The following ZFHX3 variants were observed in gnomAD, a reference collection of about 807,000 sequenced individuals.
ZFHX3 encodes zinc finger homeobox protein 3.
ZFHX3 carries 42 observed loss-of-function variants against 279.1 expected under a neutral mutation model. The observed-to-expected ratio is 0.15, with a 90% CI of 0.12 to 0.19. The LOEUF (loss-of-function observed/expected upper bound fraction) is 0.19. Among genes scored for constraint, ZFHX3 ranks in the 10% least tolerant of loss-of-function variants. The pLI, the probability that ZFHX3 is intolerant of heterozygous loss-of-function variation, is 1.00. For synonymous variants in ZFHX3, 2,293 were observed against 1,957.8 expected, an observed-to-expected ratio of 1.17 and a Z score of -4.52; for missense variants, 4,981 against 4,754.0, an observed-to-expected ratio of 1.05 and a Z score of -1.40.
chr16:73,205,200 G>A (rs1210395277), intron 5 of ZFHX3, among the ~76,000 whole-genome samples: 2 of 152,100 alleles, frequency 1.3e-5, no homozygotes, highest in East Asian at 1.9e-4. Context: ...GAGGCCTCTC[G>A]AGAAAGGGTA....
rs184850856 is a variant in ZFHX3 at position 72,896,637 on chromosome 16, T to C, written c.3217-6675A>G. On this transcript the variant is annotated intron_variant, in intron 3 of 9. Coordinates refer to ENST00000268489, the MANE Select transcript of ZFHX3 (RefSeq NM_006885.4). The stretch of plus-strand genomic sequence containing the variant: ...AGGGCTCTTGTTAGAAAATAATGCA[T>C]CGTGAAAATCAAAAAAACGTGTTCC... 2.6e-4 allele frequency among the ~76,000 whole-genome samples: 40 copies of C among 152,164 alleles called. No homozygotes were observed. The East Asian group carries it at 5.2e-3, about 20-fold the overall frequency.
Position 72,829,767 on chromosome 16 carries a change from G to A in ZFHX3, c.3529+12C>T, listed in dbSNP as rs2037020546. 1 of 1,614,106 alleles carries A rather than the reference G, an allele frequency of 6.2e-7. No individual in the cohort carries two copies. The highest frequency in any genetic ancestry group is 1.3e-5 in the African/African-American group (1 of 75,062). On this transcript the variant is annotated intron_variant, in intron 5 of 9. Coordinates refer to ENST00000268489, the MANE Select transcript of ZFHX3 (RefSeq NM_006885.4). Reference sequence around the variant, plus strand: ...CACACACTACCTGTCCACTTGCCCTGGTCTTTCTCACCTCCGCCCTCTTGG... The same window carrying A: ...CACACACTACCTGTCCACTTGCCCTAGTCTTTCTCACCTCCGCCCTCTTGG...
chr16:73,036,444 A>G (rs1964910024), intron 1 of ZFHX3, among the ~76,000 whole-genome samples: 1 of 152,120 alleles, frequency 6.6e-6, no homozygotes, highest in African/African-American at 2.4e-5. Flanking sequence ...TTAGGAAGAA[A>G]GGGATGGGTG....
intron 1 of ZFHX3, among the ~76,000 whole-genome samples, chr16:73,883,641 C>T (rs1187493629): frequency 6.6e-6 from 1 of 151,844 alleles, no homozygotes; most frequent in Non-Finnish European, 1.5e-5. Flanking sequence ...TGAAAACAAA[C>T]AGACATGTTT....
chr16:73,657,550 A>G (rs2052735403), intron 2 of ZFHX3, among the ~76,000 whole-genome samples: 1 of 152,208 alleles, frequency 6.6e-6, no homozygotes, highest in Non-Finnish European at 1.5e-5. Flanking sequence ...AGAACATTTT[A>G]TCATCTCCAT....
intron 3 of ZFHX3, among the ~76,000 whole-genome samples, chr16:73,331,115 G>A (rs1258618501): frequency 1.3e-5 from 2 of 152,148 alleles, no homozygotes; most frequent in African/African-American, 4.8e-5. Context: ...CAATCATGGT[G>A]GAAGGGGAAG....
At chr16:73,694,919 A>G (rs2053182605) in intron 1 of ZFHX3, among the ~76,000 whole-genome samples, 1 of 152,238 alleles carries the variant, frequency 6.6e-6, no homozygotes, top group Non-Finnish European at 1.5e-5. Flanking sequence ...CCAATGGAAA[A>G]AACAGCCATG....
At chr16:73,024,767 C>T (rs888547195) in intron 1 of ZFHX3, among the ~76,000 whole-genome samples, 1 of 152,158 alleles carries the variant, frequency 6.6e-6, no homozygotes, top group Non-Finnish European at 1.5e-5. Flanking sequence ...TGTAAAAACA[C>T]AGTCAATCAA....
intron 1 of ZFHX3, among the ~76,000 whole-genome samples, chr16:73,790,247 G>A (rs531887331): frequency 6.6e-6 from 1 of 151,264 alleles, no homozygotes; most frequent in East Asian, 1.9e-4. Context: ...ACATCAAAAG[G>A]GGATAAAAAG....
chr16:73,765,995 T>C (rs111378318), intron 1 of ZFHX3, among the ~76,000 whole-genome samples: 13 of 152,272 alleles, frequency 8.5e-5, no homozygotes, highest in African/African-American at 2.4e-4. Flanking sequence ...GTTTTGGGAA[T>C]TGGGGAGAAA....
At chr16:73,442,239 G>A (rs1044791731) in intron 3 of ZFHX3, among the ~76,000 whole-genome samples, 4 of 152,198 alleles carry the variant, frequency 2.6e-5, no homozygotes, top group South Asian at 2.1e-4. Flanking sequence ...CTAGAAGTCC[G>A]AGATCAAGGT....
intron 7 of ZFHX3, among the ~76,000 whole-genome samples, chr16:73,105,191 A>G (rs1191367389): frequency 6.6e-6 from 1 of 151,078 alleles, no homozygotes; most frequent in African/African-American, 2.4e-5. Flanking sequence ...GGACGGCTTG[A>G]GGCCAAGAGC....
chr16:73,453,033 A>AACCC (rs1254345431), intron 3 of ZFHX3, among the ~76,000 whole-genome samples: 1 of 148,236 alleles, frequency 6.7e-6, no homozygotes, highest in Non-Finnish European at 1.5e-5. Flanking sequence ...CCTACCTACA[A>AACCC]ACCCACCCAC....
At chr16:73,835,002 G>C (rs1258924958) in intron 1 of ZFHX3, among the ~76,000 whole-genome samples, 1 of 152,220 alleles carries the variant, frequency 6.6e-6, no homozygotes, top group Non-Finnish European at 1.5e-5. Context: ...GGAAGGACTT[G>C]AAGGAGGAGA....
rs535434175 is a variant in ZFHX3 at position 72,918,918 on chromosome 16, G to A, written c.3217-28956C>T. Among the ~76,000 whole-genome samples the A allele has an allele frequency of 7.2e-5, 11 of 152,008 alleles. 1 individual carries two copies. In the South Asian group the frequency reaches 1.5e-3, roughly 20 times the overall value. ...TCACTGTGTTAGCCAGGATGGTCTC[G>A]ATCTCCTGACCTCATGATCTTCCTG... On this transcript the variant is annotated intron_variant, in intron 3 of 9. Coordinates refer to ENST00000268489, the MANE Select transcript of ZFHX3 (RefSeq NM_006885.4).
chr16:72,845,779 T>C (rs943678658), intron 4 of ZFHX3, among the ~76,000 whole-genome samples: 6 of 151,966 alleles, frequency 3.9e-5, no homozygotes, highest in Non-Finnish European at 8.8e-5. Context: ...CTCCATTGGC[T>C]TAAGTCATTA....
chr16:72,978,734 A>T (rs1421711686), intron 1 of ZFHX3, among the ~76,000 whole-genome samples: 2 of 152,158 alleles, frequency 1.3e-5, no homozygotes, highest in African/African-American at 4.8e-5. Flanking sequence ...CCTTACAACC[A>T]ATCTCCACAG....
chr16:73,165,291 C>G (rs1034178335), intron 5 of ZFHX3, among the ~76,000 whole-genome samples: 1 of 152,116 alleles, frequency 6.6e-6, no homozygotes, highest in Non-Finnish European at 1.5e-5. Flanking sequence ...TATTTGGGGA[C>G]AAAGGTGGAA....
intron 4 of ZFHX3, among the ~76,000 whole-genome samples, chr16:72,878,059 G>A (rs553863021): frequency 6.3e-4 from 96 of 152,152 alleles, no homozygotes; most frequent in African/African-American, 2.2e-3. Flanking sequence ...GTGTGGTGGT[G>A]CATGCCTGTG....
Sources: allele counts gnomAD v4.1 joint callset (sites outside exome capture counted in the v4.1 genomes callset), GRCh38; gene constraint gnomAD v4.1.1; transcripts MANE v1.5; gene names NCBI Gene and HGNC (gene_info 2026-07-23, HGNC 2026-07-21).